Variants in DISP1 observed in about 807,000 individuals in gnomAD.
The protein encoded by DISP1 is dispatched RND transporter family member 1, also known as protein dispatched homolog 1.
Under a neutral mutation model 37.3 loss-of-function variants are expected in DISP1, and 30 were observed. The observed-to-expected ratio is 0.80, with a 90% CI of 0.60 to 1.09. DISP1 has a LOEUF of 1.09. DISP1 is among the 50% of genes least tolerant of loss of function. The pLI, the probability that DISP1 is intolerant of heterozygous loss-of-function variation, is 0.00. For missense variants in DISP1, 1,598 were observed against 1,879.5 expected, an observed-to-expected ratio of 0.85 and a Z score of 2.77; for synonymous variants, 634 against 690.2, an observed-to-expected ratio of 0.92 and a Z score of 1.28.
At chr1:222,925,594 C>G (rs1673035248) in intron 1 of DISP1, among the ~76,000 whole-genome samples, 1 of 151,968 alleles carries the variant, frequency 6.6e-6, no homozygotes. Flanking sequence ...CTTCCTTTTC[C>G]CTGTCCTTTT....
intron 1 of DISP1, among the ~76,000 whole-genome samples, chr1:222,862,672 A>T (rs993875322): frequency 1.3e-5 from 2 of 151,934 alleles, no homozygotes; most frequent in Non-Finnish European, 2.9e-5. Context: ...AGCTGAGACT[A>T]CAAGTATGTG....
intron 1 of DISP1, among the ~76,000 whole-genome samples, chr1:222,906,272 C>A (rs976024501): frequency 2.0e-5 from 3 of 152,010 alleles, no homozygotes; most frequent in East Asian, 3.9e-4. Flanking sequence ...AGATTCATGG[C>A]GTATTTATTT....
intron 1 of DISP1, among the ~76,000 whole-genome samples, chr1:222,902,514 G>A (rs574630917): frequency 2.6e-5 from 4 of 152,162 alleles, no homozygotes; most frequent in Admixed American, 1.3e-4. Flanking sequence ...AGAGTGAACA[G>A]GCAACCTACA....
At position 223,005,826 on chromosome 1, in the gene DISP1, C is replaced by T. The variant is rs753187333; in HGVS notation, c.4429C>T (p.Pro1477Ser). Reference sequence around the variant, plus strand: ...GGGGGAGGCTGGTTGTAGGTCTTGCCCAAATAATTCACAAAGTTGTGGCAG... The same window carrying T: ...GGGGGAGGCTGGTTGTAGGTCTTGCTCAAATAATTCACAAAGTTGTGGCAG... ...LMGEAGCRSC[P>S]NNSQSCGRIV... The change falls in exon 9 of 9, where the codon CCA (proline) becomes TCA (serine). Residue 1477 changes from proline (P) to serine (S), a missense_variant. Coordinates refer to ENST00000675850, the MANE Select transcript of DISP1 (RefSeq NM_001377229.1). The T allele has an allele frequency of 6.2e-7, 1 of 1,614,122 alleles. No individual in the cohort carries two copies. The highest frequency in any genetic ancestry group is 8.5e-7 in the Non-Finnish European group (1 of 1,180,020).
chr1:222,936,942 ATATATTACATATTATAT>A (rs1296049833), intron 2 of DISP1, among the ~76,000 whole-genome samples: 1 of 95,448 alleles, frequency 1.0e-5, no homozygotes, highest in Non-Finnish European at 1.9e-5. Context: ...AATATATATT[ATATATTACATATTATAT>A]TATTTATAAA....
chr1:222,924,119 A>G (rs1214238396), intron 1 of DISP1, among the ~76,000 whole-genome samples: 6 of 152,192 alleles, frequency 3.9e-5, no homozygotes, highest in Non-Finnish European at 8.8e-5. Flanking sequence ...TAAGAGGAAT[A>G]TATAAGACAG....
Position 222,936,702 on chromosome 1 carries a change from CAT to C in DISP1, c.-17-6098_-17-6097del, listed in dbSNP as rs1226837719. Among the ~76,000 whole-genome samples, 14 of 85,162 alleles carry C rather than the reference CAT, an allele frequency of 1.6e-4. 1 individual carries two copies. Among genetic ancestry groups the C allele is most frequent in the African/African-American group, 4.4e-4 (10 of 22,878 alleles). The allele number at this position is 85,162 out of a possible 152,430, so 55.9% of individuals were successfully genotyped here. On this transcript the variant is annotated intron_variant, in intron 2 of 8. Coordinates refer to ENST00000675850, the MANE Select transcript of DISP1 (RefSeq NM_001377229.1). ...AATATATAAAATATATGATATATAT[CAT>C]ATATATTATATATCATATATATGAT...
intron 1 of DISP1, among the ~76,000 whole-genome samples, chr1:222,906,085 G>A (rs146723309): frequency 2.6e-5 from 4 of 152,158 alleles, no homozygotes; most frequent in Middle Eastern, 3.4e-3. Flanking sequence ...TCCTTCTACC[G>A]AGCATCAACT....
At position 223,003,853 on chromosome 1, in the gene DISP1, C is replaced by G. The variant is rs1064794602; in HGVS notation, c.2456C>G (p.Ala819Gly). Residue 819 changes from alanine to glycine, a missense_variant, in exon 9 of 9, where the codon GCC (alanine) becomes GGC (glycine). Physicochemically the swap from Ala to Gly is moderately conservative, Grantham distance 60. Coordinates refer to ENST00000675850, the MANE Select transcript of DISP1 (RefSeq NM_001377229.1). This position sits in a 1 kb window ranked among gnomAD's most constrained non-coding sequence, Gnocchi z 4.3. ...ACATTAGATAGCAGTTTTAACATCG[C>G]CAGCCCAGCTTCCCAGGCCTGGATT... ...KLTLDSSFNI[A>G]SPASQAWILH... 1 of 1,614,044 alleles carries G rather than the reference C, an allele frequency of 6.2e-7. No individual in the cohort carries two copies. Among genetic ancestry groups the G allele is most frequent in the African/African-American group, 1.3e-5 (1 of 74,902 alleles).
At chr1:222,967,906 T>C (rs972327973) in intron 3 of DISP1, among the ~76,000 whole-genome samples, 2 of 152,174 alleles carry the variant, frequency 1.3e-5, no homozygotes, top group Non-Finnish European at 2.9e-5. Context: ...TATATTTGGT[T>C]TGGGGCCCAT....
At chr1:222,984,429 T>TAA (rs1678097258) in intron 4 of DISP1, among the ~76,000 whole-genome samples, 3 of 113,948 alleles carry the variant, frequency 2.6e-5, no homozygotes, top group African/African-American at 1.1e-4. Context: ...AAAATATATA[T>TAA]ATATATAGAG....
At chr1:222,858,036 A>G (rs1445755342) in intron 1 of DISP1, among the ~76,000 whole-genome samples, 3 of 152,184 alleles carry the variant, frequency 2.0e-5, no homozygotes, top group Admixed American at 6.5e-5. Context: ...ACTTCAAACT[A>G]TACTATAAGG....
intron 3 of DISP1, among the ~76,000 whole-genome samples, chr1:222,973,057 A>G (rs1025274088): frequency 1.5e-4 from 18 of 121,752 alleles, no homozygotes; most frequent in African/African-American, 4.4e-4. Context: ...AGTTTATGGA[A>G]ATGTATGATC....
chr1:222,942,694 A>C, intron 2 of DISP1, 113 bp from the exon 3 acceptor site: 1 of 1,247,158 alleles, frequency 8.0e-7, no homozygotes, highest in Non-Finnish European at 1.1e-6. Flanking sequence ...ACTGTCTCAC[A>C]ACTCTGCAAG....
Position 223,003,280 on chromosome 1 carries a change from C to G in DISP1, c.1883C>G (p.Thr628Arg), listed in dbSNP as rs778865083. ...TATGCTAACTATGTTAGCAACATTA[C>G]AGCAATCCGATGCTTTGGGGTTTAT... ...AFYANYVSNI[T>R]AIRCFGVYAG... Residue 628 changes from threonine (T) to arginine (R), a missense_variant, in exon 9 of 9, where the codon ACA becomes AGA. Physicochemically the swap from Thr to Arg is moderately conservative, Grantham distance 71 (BLOSUM62 -1). Coordinates refer to ENST00000675850, the MANE Select transcript of DISP1 (RefSeq NM_001377229.1). This position sits in a 1 kb window ranked among gnomAD's most constrained non-coding sequence, Gnocchi z 4.3. The G allele has an allele frequency of 6.2e-7, 1 of 1,614,084 alleles. No individual in the cohort carries two copies. Among genetic ancestry groups the G allele is most frequent in the African/African-American group, 1.3e-5 (1 of 74,936 alleles).
chr1:222,986,581 G>A (rs555697893), intron 4 of DISP1, among the ~76,000 whole-genome samples: 2 of 152,252 alleles, frequency 1.3e-5, no homozygotes, highest in African/African-American at 2.4e-5. Flanking sequence ...GGACCAGAAC[G>A]CCAGGCAGCA....
intron 1 of DISP1, among the ~76,000 whole-genome samples, chr1:222,822,957 C>T (rs753984893): frequency 5.3e-5 from 8 of 152,162 alleles, no homozygotes; most frequent in African/African-American, 7.2e-5. Flanking sequence ...CTGCTTCTCT[C>T]GTAACTGTTA....
intron 4 of DISP1, among the ~76,000 whole-genome samples, chr1:222,985,695 C>A (rs772607522): frequency 5.3e-5 from 8 of 152,016 alleles, no homozygotes; most frequent in Non-Finnish European, 8.8e-5. Flanking sequence ...TTTTTTTAAC[C>A]TGTCTTGTAG....
chr1:222,918,730 G>A (rs575199451), intron 1 of DISP1, among the ~76,000 whole-genome samples: 3 of 152,356 alleles, frequency 2.0e-5, no homozygotes, highest in South Asian at 2.1e-4. Context: ...TATTGCACGA[G>A]AAGAATAAAC....
Sources: gnomAD v4.1 joint callset for allele counts (sites outside exome capture counted in the v4.1 genomes callset) on GRCh38, gnomAD v4.1.1 for gene constraint, Gnocchi (gnomAD v3.1) non-coding constraint, MANE v1.5 for transcripts, NCBI Gene and HGNC (gene_info 2026-07-23, HGNC 2026-07-21) for gene names.